GALNTL6: variants seen among roughly 807,000 people sequenced by gnomAD.
GALNTL6 encodes polypeptide N-acetylgalactosaminyltransferase-like 6.
In GALNTL6, 46 loss-of-function variants were observed where a neutral mutation model predicts 73.7. The observed-to-expected ratio is 0.62, with a 90% CI of 0.49 to 0.80. The LOEUF is 0.80. Among genes scored for constraint, GALNTL6 ranks in the 30% least tolerant of loss-of-function variants. The pLI, the probability that GALNTL6 is intolerant of heterozygous loss-of-function variation, is 0.00. For missense variants in GALNTL6, 604 were observed against 755.0 expected (o/e 0.80, Z 2.34); for synonymous variants, 259 against 263.7 (o/e 0.98, Z 0.17).
intron 7 of GALNTL6, among the ~76,000 whole-genome samples, chr4:172,856,307 G>T (rs1744119070): frequency 6.6e-6 from 1 of 152,086 alleles, no homozygotes; most frequent in Non-Finnish European, 1.5e-5. Context: ...TTGATAAAAT[G>T]GACAATAAAA....
intron 2 of GALNTL6, among the ~76,000 whole-genome samples, chr4:171,919,491 T>C (rs146299201): frequency 6.6e-6 from 1 of 152,144 alleles, no homozygotes; most frequent in East Asian, 1.9e-4. Context: ...CGGGTCCCAA[T>C]AGTTTGCATT....
chr4:172,760,362 A>G (rs1413062972), intron 5 of GALNTL6, among the ~76,000 whole-genome samples: 2 of 152,198 alleles, frequency 1.3e-5, no homozygotes, highest in African/African-American at 4.8e-5. Flanking sequence ...TGCACTGAAC[A>G]TACCTAGAAG....
chr4:172,764,992 G>A (rs1441081803), intron 5 of GALNTL6, among the ~76,000 whole-genome samples: 2 of 152,184 alleles, frequency 1.3e-5, no homozygotes, highest in Non-Finnish European at 2.9e-5. Context: ...AGCAAAAGAT[G>A]ATACTTGGGA....
intron 7 of GALNTL6, among the ~76,000 whole-genome samples, chr4:172,832,619 C>T (rs943215483): frequency 5.9e-5 from 9 of 152,292 alleles, no homozygotes; most frequent in Non-Finnish European, 1.0e-4. Flanking sequence ...GGCCAGGCCC[C>T]GGTAGACTGG....
At chr4:172,717,533 G>A (rs965466848) in intron 5 of GALNTL6, among the ~76,000 whole-genome samples, 4 of 152,158 alleles carry the variant, frequency 2.6e-5, no homozygotes, top group South Asian at 2.1e-4. Flanking sequence ...AAAAGAAAGC[G>A]GGGAAAAGGA....
chr4:172,267,172 A>C (rs1345390126), intron 3 of GALNTL6, among the ~76,000 whole-genome samples: 2 of 152,092 alleles, frequency 1.3e-5, no homozygotes, highest in Non-Finnish European at 1.5e-5. Flanking sequence ...CCCTGCCTTC[A>C]AATAGACTTG....
chr4:172,791,520 T>C (rs1198083240), intron 5 of GALNTL6, among the ~76,000 whole-genome samples: 1 of 152,128 alleles, frequency 6.6e-6, no homozygotes, highest in African/African-American at 2.4e-5. Flanking sequence ...CCTTTCCTGG[T>C]TGAAAAAGAT....
chr4:172,960,533 G>A (rs928169067), intron 10 of GALNTL6, among the ~76,000 whole-genome samples: 5 of 152,118 alleles, frequency 3.3e-5, no homozygotes, highest in South Asian at 2.1e-4. Context: ...ACTCAGCGAC[G>A]CTTGGGGTTG....
Position 171,903,150 on chromosome 4 carries a change from C to T in GALNTL6, c.138+88432C>T, listed in dbSNP as rs7663950. Among the ~76,000 whole-genome samples, 9 of 152,114 alleles carry T rather than the reference C, an allele frequency of 5.9e-5. No homozygotes were observed. The East Asian group carries it at 1.6e-3, about 26-fold the overall frequency. On this transcript the variant is annotated intron_variant, in intron 2 of 12. Coordinates refer to ENST00000506823, the MANE Select transcript of GALNTL6 (RefSeq NM_001034845.3). Reference sequence around the variant, plus strand: ...GTGAGAGGGGAGGAGCCAAGATGGCCTAATAGGAACAGCTCCGGTCTGCAG... The same window carrying T: ...GTGAGAGGGGAGGAGCCAAGATGGCTTAATAGGAACAGCTCCGGTCTGCAG...
intron 8 of GALNTL6, among the ~76,000 whole-genome samples, chr4:172,899,578 C>A (rs141825057): frequency 2.6e-5 from 4 of 152,196 alleles, no homozygotes; most frequent in East Asian, 1.9e-4. Flanking sequence ...CATCTACTAC[C>A]TTTACTTGGT....
In GALNTL6 at chr4:171,971,638, A is replaced by G. The variant is rs556424656; in HGVS notation, c.138+156920A>G. ...CCAAAACATAATTGCCAAAATATTAATAAAATTGAGTTGATTTGTAGGTTT... is the reference window on the plus strand; with the variant it reads ...CCAAAACATAATTGCCAAAATATTAGTAAAATTGAGTTGATTTGTAGGTTT... On this transcript the variant is annotated intron_variant, in intron 2 of 12. Transcript: ENST00000506823. Among the ~76,000 whole-genome samples the G allele has an allele frequency of 3.9e-5, 6 of 152,328 alleles. No individual in the cohort carries two copies. The East Asian group carries it at 1.2e-3, about 29-fold the overall frequency.
At chr4:172,914,120 A>C (rs1747367418) in intron 8 of GALNTL6, among the ~76,000 whole-genome samples, 2 of 152,384 alleles carry the variant, frequency 1.3e-5, no homozygotes, top group South Asian at 2.1e-4. Flanking sequence ...AAGAAATTTC[A>C]ACCCAGAATT....
chr4:172,249,583 G>C (rs1020597757), intron 3 of GALNTL6, among the ~76,000 whole-genome samples: 3 of 152,104 alleles, frequency 2.0e-5, no homozygotes, highest in Non-Finnish European at 2.9e-5. Context: ...GGAGGAAAAA[G>C]TGCTTCCCTG....
intron 2 of GALNTL6, among the ~76,000 whole-genome samples, chr4:172,108,081 C>G (rs1489026523): frequency 6.6e-6 from 1 of 152,084 alleles, no homozygotes; most frequent in Admixed American, 6.6e-5. Context: ...TCTGGGGAAA[C>G]AGTTAATGTA....
At chr4:172,822,754 A>C (rs961710667) in intron 7 of GALNTL6, among the ~76,000 whole-genome samples, 2 of 152,156 alleles carry the variant, frequency 1.3e-5, no homozygotes, top group African/African-American at 4.8e-5. Context: ...AAGTTCATGA[A>C]TGGATTGATG....
intron 2 of GALNTL6, among the ~76,000 whole-genome samples, chr4:172,044,711 G>C (rs1026125840): frequency 1.3e-5 from 2 of 151,906 alleles, no homozygotes; most frequent in Non-Finnish European, 2.9e-5. Context: ...AGACTCTCTA[G>C]AGTTATTAAT....
At chr4:172,523,028 T>G (rs1734836819) in intron 5 of GALNTL6, among the ~76,000 whole-genome samples, 1 of 152,198 alleles carries the variant, frequency 6.6e-6, no homozygotes, top group South Asian at 2.1e-4. Context: ...TAAATTTTGC[T>G]TTTATTTATA....
chr4:172,843,215 A>G (rs1270711205), intron 7 of GALNTL6, among the ~76,000 whole-genome samples: 1 of 152,230 alleles, frequency 6.6e-6, no homozygotes, highest in Non-Finnish European at 1.5e-5. Flanking sequence ...AAATGCCATT[A>G]TAAATGGAGG....
chr4:172,359,714 T>C (rs1742296491), intron 5 of GALNTL6, among the ~76,000 whole-genome samples: 1 of 152,166 alleles, frequency 6.6e-6, no homozygotes. Context: ...ATCCCACATA[T>C]AAGGCACATA....
Sources: gnomAD v4.1 joint callset for allele counts (sites outside exome capture counted in the v4.1 genomes callset) on GRCh38, gnomAD v4.1.1 for gene constraint, MANE v1.5 for transcripts, NCBI Gene and HGNC (gene_info 2026-07-23, HGNC 2026-07-21) for gene names.